SH3BGRL2: variants seen among roughly 807,000 people sequenced by gnomAD.
The protein encoded by SH3BGRL2 is SH3 domain binding glutamate rich protein like 2.
Under a neutral mutation model 14.8 loss-of-function variants are expected in SH3BGRL2, and 21 were observed. The ratio of observed to expected loss-of-function variants is 1.42; its 90% CI spans 1.01 to 2.05. The LOEUF is 2.05. Among genes scored for constraint, SH3BGRL2 ranks in the 30% most tolerant of loss-of-function variants. SH3BGRL2 has a pLI of 0.00. For missense variants in SH3BGRL2, 147 were observed against 130.8 expected, an observed-to-expected ratio of 1.12 and a Z score of -0.61; for synonymous variants, 50 against 47.8, an observed-to-expected ratio of 1.05 and a Z score of -0.19.
chr6:79,678,824 G>A (rs1168716745), intron 2 of SH3BGRL2, among the ~76,000 whole-genome samples: 3 of 152,070 alleles, frequency 2.0e-5, no homozygotes. Flanking sequence ...TTATGTCTAT[G>A]GGTCCTCAAT....
the SH3BGRL2 span, among the ~76,000 whole-genome samples, chr6:79,551,906 A>G: frequency 6.6e-6 from 1 of 152,288 alleles, no homozygotes; most frequent in East Asian, 1.9e-4. Flanking sequence ...CCTGGCCAAC[A>G]TGGAGAAACC....
the SH3BGRL2 span, among the ~76,000 whole-genome samples, chr6:79,566,743 C>G: frequency 1.3e-5 from 2 of 151,828 alleles, no homozygotes; most frequent in Non-Finnish European, 1.5e-5. Context: ...TAGTGAGACC[C>G]CATCTCTACA....
the SH3BGRL2 span, among the ~76,000 whole-genome samples, chr6:79,607,774 G>A: frequency 2.8e-3 from 420 of 152,072 alleles, 7 homozygotes; most frequent in African/African-American, 9.1e-3. Context: ...GTGAAACCCC[G>A]CCTCTACTAA....
At chr6:79,628,841 C>A (rs1562141819), upstream of SH3BGRL2, among the ~76,000 whole-genome samples, 1 of 152,178 alleles carries the variant, frequency 6.6e-6, no homozygotes, top group African/African-American at 2.4e-5. Flanking sequence ...TTATGAATTT[C>A]TCAGGGCACT....
At chr6:79,603,181 T>A in the SH3BGRL2 span, among the ~76,000 whole-genome samples, 1 of 152,172 alleles carries the variant, frequency 6.6e-6, no homozygotes, top group Non-Finnish European at 1.5e-5. Context: ...AAACCAGTTA[T>A]TTTTATTATT....
intron 1 of SH3BGRL2, among the ~76,000 whole-genome samples, chr6:79,669,730 C>A (rs543959096): frequency 3.2e-4 from 48 of 152,182 alleles, no homozygotes; most frequent in African/African-American, 1.1e-3. Flanking sequence ...CAGGAGTGAC[C>A]CACCGCACCC....
chr6:79,676,484 C>T (rs1440053797), intron 2 of SH3BGRL2, among the ~76,000 whole-genome samples: 1 of 152,096 alleles, frequency 6.6e-6, no homozygotes, highest in African/African-American at 2.4e-5. Flanking sequence ...AGTGCTCCTG[C>T]AGACATTGAG....
the SH3BGRL2 span, among the ~76,000 whole-genome samples, chr6:79,608,789 C>T: frequency 6.6e-6 from 1 of 152,172 alleles, no homozygotes; most frequent in Non-Finnish European, 1.5e-5. Flanking sequence ...ACATGTCCCA[C>T]CTGCTTCATT....
At chr6:79,584,882 A>G in the SH3BGRL2 span, among the ~76,000 whole-genome samples, 37 of 152,332 alleles carry the variant, frequency 2.4e-4, no homozygotes, top group African/African-American at 8.7e-4. Flanking sequence ...AGCAGTTTCT[A>G]TAGGATTCTC....
the SH3BGRL2 span, among the ~76,000 whole-genome samples, chr6:79,606,471 G>T: frequency 1.3e-5 from 2 of 152,170 alleles, no homozygotes; most frequent in South Asian, 4.1e-4. Context: ...ACACTGCTGG[G>T]TAGTACAACT....
chr6:79,597,154 A>T, the SH3BGRL2 span, among the ~76,000 whole-genome samples: 1 of 151,834 alleles, frequency 6.6e-6, no homozygotes, highest in Non-Finnish European at 1.5e-5. Flanking sequence ...CGCTTGAACC[A>T]GGTAGGTGGA....
At chr6:79,566,812 G>A in the SH3BGRL2 span, among the ~76,000 whole-genome samples, 1 of 151,116 alleles carries the variant, frequency 6.6e-6, no homozygotes, top group South Asian at 2.1e-4. Flanking sequence ...TGGAAGGATC[G>A]CTTGAGCCCA....
intron 2 of SH3BGRL2, among the ~76,000 whole-genome samples, chr6:79,683,009 T>A (rs886479258): frequency 6.6e-6 from 1 of 152,012 alleles, no homozygotes; most frequent in Non-Finnish European, 1.5e-5. Context: ...ATGAGATCAT[T>A]TGGACACAGG....
chr6:79,565,589 G>A, the SH3BGRL2 span, among the ~76,000 whole-genome samples: 1 of 152,066 alleles, frequency 6.6e-6, no homozygotes, highest in Non-Finnish European at 1.5e-5. Flanking sequence ...TATCATTTTA[G>A]GCAGAAAGGT....
the SH3BGRL2 span, chr6:79,573,887 AAC>A: frequency 1.7e-4 from 26 of 152,202 alleles, no homozygotes; most frequent in African/African-American, 5.5e-4. Flanking sequence ...TTTTGCAAAT[AAC>A]ACAGTTTCAA....
At chr6:79,613,062 G>A in the SH3BGRL2 span, among the ~76,000 whole-genome samples, 3 of 152,318 alleles carry the variant, frequency 2.0e-5, no homozygotes, top group South Asian at 4.1e-4. Context: ...TGGAATGCCA[G>A]TCTTCCTGGG....
chr6:79,612,795 T>G, the SH3BGRL2 span, among the ~76,000 whole-genome samples: 2 of 152,334 alleles, frequency 1.3e-5, no homozygotes, highest in Middle Eastern at 6.8e-3. Context: ...GCTCAGTGTT[T>G]AGTATTTGCC....
At chr6:79,601,168 C>T in the SH3BGRL2 span, among the ~76,000 whole-genome samples, 96 of 152,246 alleles carry the variant, frequency 6.3e-4, 1 homozygote, top group South Asian at 0.014. Context: ...CAAGAGGCAA[C>T]GCTATAGACC....
At chr6:79,631,195 C>T, upstream of SH3BGRL2, 1 of 370,006 alleles carries the variant, frequency 2.7e-6, no homozygotes, top group East Asian at 3.9e-5. Context: ...GTCCACCAGC[C>T]ACTCCAGGGA....
Sources: gnomAD v4.1 joint callset for allele counts (sites outside exome capture counted in the v4.1 genomes callset) on GRCh38, gnomAD v4.1.1 for gene constraint, MANE v1.5 for transcripts, NCBI Gene and HGNC (gene_info 2026-07-23, HGNC 2026-07-21) for gene names.